Variants in GAB2 observed in about 807,000 individuals in gnomAD.
GAB2 encodes GRB2 associated binding protein 2, also known as GRB2-associated-binding protein 2.
Under a neutral mutation model 65.5 loss-of-function variants are expected in GAB2, and 26 were observed. The observed-to-expected ratio is 0.40, with a 90% CI of 0.29 to 0.55. The LOEUF (loss-of-function observed/expected upper bound fraction) is 0.55. GAB2 is among the 20% of genes least tolerant of loss of function. GAB2 has a pLI of 0.53. For synonymous variants in GAB2, 321 were observed against 329.6 expected (o/e 0.97, Z 0.28); for missense variants, 884 against 875.8 (o/e 1.01, Z -0.12).
chr11:78,413,596 G>T (rs1857156680), intron 1 of GAB2, among the ~76,000 whole-genome samples: 1 of 152,048 alleles, frequency 6.6e-6, no homozygotes, highest in South Asian at 2.1e-4. Flanking sequence ...GTGGGAGAAA[G>T]GAAGACTGCA....
intron 1 of GAB2, among the ~76,000 whole-genome samples, chr11:78,402,380 T>C (rs1565186231): frequency 6.6e-6 from 1 of 152,206 alleles, no homozygotes; most frequent in African/African-American, 2.4e-5. Flanking sequence ...AATTGTTTGA[T>C]AAATTACTGA....
chr11:78,256,822 G>C (rs1401869755), intron 2 of GAB2, among the ~76,000 whole-genome samples: 1 of 152,178 alleles, frequency 6.6e-6, no homozygotes, highest in East Asian at 1.9e-4. Flanking sequence ...GAAAATAAAG[G>C]AAGATATTAA....
chr11:78,397,748 C>T (rs1565184680), intron 1 of GAB2, among the ~76,000 whole-genome samples: 1 of 152,144 alleles, frequency 6.6e-6, no homozygotes, highest in South Asian at 2.1e-4. Flanking sequence ...GCTGCTTCCC[C>T]ACCAAGACTA....
chr11:78,382,453 AC>A (rs1423065180), intron 1 of GAB2, among the ~76,000 whole-genome samples: 1 of 150,788 alleles, frequency 6.6e-6, no homozygotes, highest in Non-Finnish European at 1.5e-5. Context: ...ATCTCGGCTC[AC>A]TGCAAGTGCT....
chr11:78,218,872 C>T lies in GAB2; in HGVS notation c.*400G>A, dbSNP rs954292223. ...ACTGAAGGAGAGGTAGCCCAGTGGC[C>T]GGAGGGAAGATAGCTGAGGGCTGTG... On this transcript the variant is annotated 3_prime_UTR_variant, in exon 10 of 10. Transcript: ENST00000361507. 10 of 167,108 alleles carry T rather than the reference C, an allele frequency of 6.0e-5. No individual in the cohort carries two copies. The highest frequency in any genetic ancestry group is 3.8e-4 in the South Asian group (2 of 5,278). The allele number at this position is 167,108 out of a possible 1,614,324, so 10.4% of individuals were successfully genotyped here.
chr11:78,270,976 A>T (rs1232758419), intron 2 of GAB2, among the ~76,000 whole-genome samples: 1 of 152,232 alleles, frequency 6.6e-6, no homozygotes, highest in East Asian at 1.9e-4. Flanking sequence ...TGCCTTTCGG[A>T]GTCCCTGTGA....
chr11:78,237,269 C>A (rs1865007426), intron 3 of GAB2, among the ~76,000 whole-genome samples: 1 of 152,066 alleles, frequency 6.6e-6, no homozygotes, highest in Non-Finnish European at 1.5e-5. Flanking sequence ...GTGTAACAGC[C>A]AAAACTGGAA....
intron 1 of GAB2, among the ~76,000 whole-genome samples, chr11:78,339,949 C>G (rs1452022723): frequency 6.6e-6 from 1 of 152,194 alleles, no homozygotes; most frequent in Non-Finnish European, 1.5e-5. Flanking sequence ...ATCCTTCCAG[C>G]TTTATGGCAA....
chr11:78,375,088 A>G (rs1051337564), intron 1 of GAB2, among the ~76,000 whole-genome samples: 1 of 152,190 alleles, frequency 6.6e-6, no homozygotes, highest in African/African-American at 2.4e-5. Context: ...TCTGTCACCC[A>G]CACTAGAGTG....
chr11:78,332,631 G>T (rs1489554153), intron 1 of GAB2, among the ~76,000 whole-genome samples: 1 of 152,174 alleles, frequency 6.6e-6, no homozygotes, highest in Non-Finnish European at 1.5e-5. Context: ...GAGTCTAATG[G>T]GATGCAGCAA....
intron 1 of GAB2, among the ~76,000 whole-genome samples, chr11:78,360,104 A>T (rs1314691397): frequency 1.3e-5 from 2 of 152,162 alleles, no homozygotes; most frequent in African/African-American, 2.4e-5. Flanking sequence ...CCATGAACCA[A>T]GGAACATCTG....
rs116706160 is a variant in GAB2 at position 78,257,632 on chromosome 11, C to T, written c.377-7232G>A. ...AAGAGGTACGAGCTGCTTTCCAAGA[C>T]ATGACGGATGCTTGGAAGGTAACTG... is the stretch of plus-strand genomic sequence containing the variant. On this transcript the variant is annotated intron_variant, in intron 2 of 9. Coordinates refer to ENST00000361507, the MANE Select transcript of GAB2 (RefSeq NM_080491.3). Among the ~76,000 whole-genome samples the T allele has an allele frequency of 4.5e-3, 692 of 152,290 alleles. 4 individuals carry two copies. Among genetic ancestry groups the T allele is most frequent in the African/African-American group, 0.016 (671 of 41,560 alleles).
At chr11:78,249,911 A>AT (rs1401575350) in intron 3 of GAB2, among the ~76,000 whole-genome samples, 1 of 151,658 alleles carries the variant, frequency 6.6e-6, no homozygotes, top group Non-Finnish European at 1.5e-5. Flanking sequence ...CAAATCAAAC[A>AT]TTTTTTATAG....
At chr11:78,348,125 AAAG>A (rs1856219467) in intron 1 of GAB2, among the ~76,000 whole-genome samples, 1 of 152,158 alleles carries the variant, frequency 6.6e-6, no homozygotes, top group Admixed American at 6.5e-5. Context: ...AGAAAGAGGA[AAAG>A]AAGAGGTTAG....
chr11:78,340,896 T>A (rs556406515), intron 1 of GAB2, among the ~76,000 whole-genome samples: 56 of 152,296 alleles, frequency 3.7e-4, no homozygotes, highest in Non-Finnish European at 7.2e-4. Flanking sequence ...TCTTTCCTCA[T>A]CACAATGGTG....
intron 1 of GAB2, among the ~76,000 whole-genome samples, chr11:78,290,704 G>A (rs1866640365): frequency 6.6e-6 from 1 of 152,144 alleles, no homozygotes. Flanking sequence ...AAGATATAAA[G>A]GGCCGCCAAT....
intron 4 of GAB2, 26 bp downstream of exon 4, chr11:78,226,439 G>A: frequency 6.4e-7 from 1 of 1,554,088 alleles, no homozygotes; most frequent in Non-Finnish European, 8.9e-7. Flanking sequence ...TCCTCCCTCT[G>A]AGTCTCAGCT....
At chr11:78,413,863 TG>T (rs1275001714) in intron 1 of GAB2, among the ~76,000 whole-genome samples, 8 of 151,370 alleles carry the variant, frequency 5.3e-5, no homozygotes, top group Middle Eastern at 3.2e-3. Context: ...CCGAGGCGGG[TG>T]GATCACCTGA....
chr11:78,302,560 A>C (rs1318942452), intron 1 of GAB2, among the ~76,000 whole-genome samples: 2 of 152,184 alleles, frequency 1.3e-5, no homozygotes, highest in Non-Finnish European at 2.9e-5. Flanking sequence ...GAAAAGGGAA[A>C]ACTTCCACAC....
Sources: gnomAD v4.1 joint callset for allele counts (sites outside exome capture counted in the v4.1 genomes callset) on GRCh38, gnomAD v4.1.1 for gene constraint, MANE v1.5 for transcripts, NCBI Gene and HGNC (gene_info 2026-07-23, HGNC 2026-07-21) for gene names.